Variants in FANCD2 observed in about 807,000 individuals in gnomAD.
FANCD2 encodes the protein FA complementation group D2, also known as Fanconi anemia group D2 protein.
FANCD2 carries 131 observed loss-of-function variants against 192.3 expected under a neutral mutation model. The ratio of observed to expected loss-of-function variants is 0.68; its 90% CI spans 0.59 to 0.79. The LOEUF (loss-of-function observed/expected upper bound fraction) is 0.79, where lower values mean the gene tolerates loss of function less well. FANCD2 is among the 30% of genes least tolerant of loss of function. FANCD2 has a pLI of 0.00. For missense variants in FANCD2, 1,508 were observed against 1,701.6 expected, an observed-to-expected ratio of 0.89 and a Z score of 2.00; for synonymous variants, 524 against 612.5, an observed-to-expected ratio of 0.86 and a Z score of 2.13.
At chr3:10,028,487 C>A in intron 1 of FANCD2, 138 bp from the exon 2 acceptor site, 1 of 653,358 alleles carries the variant, frequency 1.5e-6, no homozygotes, top group Non-Finnish European at 2.7e-6. Flanking sequence ...ATTTGCTTAG[C>A]ACCTAGGTTT....
At chr3:10,082,452 A>G (rs1693902280) in intron 32 of FANCD2, among the ~76,000 whole-genome samples, 1 of 152,054 alleles carries the variant, frequency 6.6e-6, no homozygotes, top group South Asian at 2.1e-4. Flanking sequence ...TCCTATCCCA[A>G]TTTTGATTTC....
intron 9 of FANCD2, 27 bp from the exon 10 acceptor site, chr3:10,041,596 A>C (rs1319939040): frequency 6.6e-7 from 1 of 1,507,304 alleles, no homozygotes; most frequent in East Asian, 2.3e-5. Flanking sequence ...CCATTATACA[A>C]CTTTTTTCTT....
intron 9 of FANCD2, chr3:10,040,363 C>G (rs2086836291): frequency 1.5e-5 from 6 of 401,032 alleles, no homozygotes; most frequent in Admixed American, 1.2e-4. Flanking sequence ...AATGGTATAC[C>G]TGTTATGAGC....
chr3:10,047,666 A>G (rs1299303599), intron 15 of FANCD2, among the ~76,000 whole-genome samples: 1 of 152,258 alleles, frequency 6.6e-6, no homozygotes, highest in African/African-American at 2.4e-5. Flanking sequence ...GGAATGTTCT[A>G]TTAGGCTTGT....
intron 26 of FANCD2, among the ~76,000 whole-genome samples, chr3:10,069,437 G>A (rs2087808661): frequency 6.7e-6 from 1 of 149,748 alleles, no homozygotes; most frequent in South Asian, 2.1e-4. Flanking sequence ...GCCATGTGAT[G>A]TCATCTCACC....
rs1199782638 is a variant in FANCD2 at position 10,101,311 on chromosome 3, C to G, written c.*49C>G. 7.5e-7 allele frequency: 1 copy of G among 1,331,492 alleles called. No individual in the cohort carries two copies. Among genetic ancestry groups the G allele is most frequent in the Admixed American group, 1.7e-5 (1 of 57,994 alleles). 82.5% of individuals were successfully genotyped at this position (1,331,492 alleles called of 1,614,324 possible). ...TTCTGTGTCTCTGCCAGCCTGTGATCATTTTGTGTTAGAGTTTGAAATCCG... is the reference window on the plus strand; with the variant it reads ...TTCTGTGTCTCTGCCAGCCTGTGATGATTTTGTGTTAGAGTTTGAAATCCG... On this transcript the variant is annotated 3_prime_UTR_variant, in exon 44 of 44. Coordinates refer to ENST00000675286, the MANE Select transcript of FANCD2 (RefSeq NM_001018115.3).
At chr3:10,078,410 A>G (rs1190064563) in intron 30 of FANCD2, among the ~76,000 whole-genome samples, 1 of 152,052 alleles carries the variant, frequency 6.6e-6, no homozygotes, top group Non-Finnish European at 1.5e-5. Flanking sequence ...GCTGGAGTGC[A>G]GTGGTGTGAT....
rs2086804775 is a variant in FANCD2, at chr3:10,039,277, A to G, written c.492-2A>G. Reference sequence around the variant, plus strand: ...CCCTGTTTTCTCTTCCTAACATTTTAGCAAGAACAGTGATGAAATCAACAT... The same window carrying G: ...CCCTGTTTTCTCTTCCTAACATTTTGGCAAGAACAGTGATGAAATCAACAT... On this transcript the variant is annotated splice_acceptor_variant, in intron 7 of 43. Transcript: ENST00000675286. LOFTEE classifies it high-confidence loss of function. 2 of 1,612,140 alleles carry G rather than the reference A, an allele frequency of 1.2e-6. No individual in the cohort carries two copies. Among genetic ancestry groups the G allele is most frequent in the Non-Finnish European group, 1.7e-6 (2 of 1,178,588 alleles).
chr3:10,093,064 G>A (rs1004183748), intron 38 of FANCD2, among the ~76,000 whole-genome samples: 15 of 152,092 alleles, frequency 9.9e-5, no homozygotes, highest in African/African-American at 3.4e-4. Flanking sequence ...AACACTCCCA[G>A]TTGGAATCAG....
intron 26 of FANCD2, 136 bp downstream of exon 26, chr3:10,067,453 T>C: frequency 1.5e-6 from 1 of 658,964 alleles, no homozygotes; most frequent in East Asian, 2.8e-5. Context: ...CTGATGAACA[T>C]TGATACAAAA....
At chr3:10,049,318 T>C (rs2087125765) in intron 16 of FANCD2, 56 bp from the exon 17 acceptor site, 2 of 1,507,738 alleles carry the variant, frequency 1.3e-6, no homozygotes, top group African/African-American at 1.6e-5. Context: ...TGAATCCCTT[T>C]AGAATGGCCA....
At chr3:10,059,451 CAT>C (rs1243295442) in intron 18 of FANCD2, among the ~76,000 whole-genome samples, 3 of 152,164 alleles carry the variant, frequency 2.0e-5, no homozygotes, top group Admixed American at 6.6e-5. Flanking sequence ...GAATGTCTAT[CAT>C]GTGCTAGGCA....
intron 15 of FANCD2, among the ~76,000 whole-genome samples, chr3:10,047,035 A>G (rs763731569): frequency 2.6e-5 from 4 of 152,300 alleles, no homozygotes; most frequent in African/African-American, 7.2e-5. Context: ...ACTTTAGGTG[A>G]TAATTCCTCT....
In FANCD2 at chr3:10,098,748, A is replaced by T. The variant is rs746871581; in HGVS notation, c.4214A>T (p.Gln1405Leu). ...GAAGAGATTAAGTCCCAAAATTCCC[A>T]GGAGAGCACAGCAGATGAGAGTGAG... is the stretch of plus-strand genomic sequence containing the variant. ...QGEEIKSQNS[Q>L]ESTADESEDD... The change falls in exon 43 of 44, where the codon CAG (glutamine) becomes CTG (leucine). Residue 1405 changes from glutamine to leucine, a missense_variant. Physicochemically the swap from Gln to Leu is moderately radical, Grantham distance 113. Transcript: ENST00000675286. 3.2e-5 allele frequency: 51 copies of T among 1,614,086 alleles called. 1 individual carries two copies. The highest frequency in any genetic ancestry group is 4.0e-5 in the Non-Finnish European group (47 of 1,180,028).
At position 10,043,121 on chromosome 3, in the gene FANCD2, A is replaced by C; in HGVS notation, c.960A>C (p.Gln320His). The C allele has an allele frequency of 6.2e-7, 1 of 1,614,142 alleles. No individual in the cohort carries two copies. The highest frequency in any genetic ancestry group is 8.5e-7 in the Non-Finnish European group (1 of 1,180,008). Residue 320 changes from glutamine (Q) to histidine (H), a missense_variant, in exon 12 of 44, where the codon CAA (glutamine) becomes CAC (histidine). By Grantham distance (24) the Gln-to-His change is conservative. This residue lies in a region of FANCD2 where 435 missense variants were observed against 421.9 expected (regional missense o/e 1.03). Coordinates refer to ENST00000675286, the MANE Select transcript of FANCD2 (RefSeq NM_001018115.3). ...CVLPSRLQAS[Q>H]VKLKSKGRAS... ...TGCCATCACGGTTACAGGCTTCCCA[A>C]GTAAAGTTGAAAAGTAAAGGACGAG...
chr3:10,093,231 G>A (rs2125088481), intron 38 of FANCD2, 54 bp from the exon 39 acceptor site: 1 of 1,400,690 alleles, frequency 7.1e-7, no homozygotes, highest in South Asian at 1.2e-5. Context: ...AAAGAGGCTG[G>A]AGTGCTCAAA....
At chr3:10,054,973 C>G (rs2087366411) in intron 18 of FANCD2, among the ~76,000 whole-genome samples, 1 of 151,990 alleles carries the variant, frequency 6.6e-6, no homozygotes, top group African/African-American at 2.4e-5. Flanking sequence ...TGGTTTGTCT[C>G]CCACAGGGGC....
chr3:10,075,244 G>A (rs1159149106), intron 29 of FANCD2, among the ~76,000 whole-genome samples: 7 of 151,286 alleles, frequency 4.6e-5, no homozygotes, highest in African/African-American at 1.7e-4. Context: ...GTGCAGTGGC[G>A]CGGATCTCCA....
chr3:10,087,273 C>G lies in FANCD2; in HGVS notation c.3466+9C>G, dbSNP rs33998487. ...GAACAAAGAAAAAATTGGTGATGGG[C>G]CTAGATCCTTTTTTTTTTTTTTTTT... On this transcript the variant is annotated intron_variant, in intron 34 of 43. Transcript: ENST00000675286. 6.6e-6 allele frequency: 10 copies of G among 1,526,318 alleles called. No individual in the cohort carries two copies. In the East Asian group the frequency reaches 2.1e-4, roughly 31 times the overall value. The allele number at this position is 1,526,318 out of a possible 1,614,324, so 94.5% of individuals were successfully genotyped here.
Sources: gnomAD v4.1 joint callset for allele counts (sites outside exome capture counted in the v4.1 genomes callset) on GRCh38, gnomAD v4.1.1 for gene constraint, gnomAD v4.1.1 regional missense constraint, MANE v1.5 for transcripts, NCBI Gene and HGNC (gene_info 2026-07-23, HGNC 2026-07-21) for gene names.